The following LRP1B variants were observed in gnomAD, a reference collection of about 807,000 sequenced individuals.
LRP1B encodes the protein LDL receptor related protein 1B.
LRP1B carries 217 observed loss-of-function variants against 556.6 expected under a neutral mutation model. That is an observed-to-expected ratio of 0.39 (90% confidence interval 0.35 to 0.44). LRP1B has a LOEUF of 0.44. Among genes scored for constraint, LRP1B ranks in the 20% least tolerant of loss-of-function variants. The pLI, the probability that LRP1B is intolerant of heterozygous loss-of-function variation, is 1.00. For synonymous variants in LRP1B, 2,047 were observed against 1,865.8 expected, an observed-to-expected ratio of 1.10 and a Z score of -2.50; for missense variants, 5,053 against 5,620.8, an observed-to-expected ratio of 0.90 and a Z score of 3.23.
At chr2:141,560,735 G>A (rs948470291) in intron 2 of LRP1B, among the ~76,000 whole-genome samples, 2 of 151,378 alleles carry the variant, frequency 1.3e-5, no homozygotes, top group Non-Finnish European at 3.0e-5. Context: ...CTTTTTTTTA[G>A]GAGGTTTTAT....
In LRP1B at chr2:140,983,996, G is replaced by A. The variant is rs533467401; in HGVS notation, c.2771-1720C>T. On this transcript the variant is annotated intron_variant, in intron 17 of 90. Coordinates refer to ENST00000389484, the MANE Select transcript of LRP1B (RefSeq NM_018557.3). ...TGGTAAATTATTCTGTCATCTATAC[G>A]AAAATGAATAAAGTTCTTAGATAAT... Among the ~76,000 whole-genome samples, 8 of 151,566 alleles carry A rather than the reference G, an allele frequency of 5.3e-5. No homozygotes were observed. In the South Asian group the frequency reaches 6.3e-4, roughly 12 times the overall value.
At chr2:140,550,728 A>G (rs900560467) in intron 43 of LRP1B, among the ~76,000 whole-genome samples, 6 of 152,174 alleles carry the variant, frequency 3.9e-5, no homozygotes, top group Non-Finnish European at 8.8e-5. Flanking sequence ...GATTAAATAT[A>G]GTATTTCTCG....
At chr2:140,413,295 A>G (rs1395699763) in intron 66 of LRP1B, among the ~76,000 whole-genome samples, 1 of 152,198 alleles carries the variant, frequency 6.6e-6, no homozygotes, top group Non-Finnish European at 1.5e-5. Flanking sequence ...TCAGTCTTCA[A>G]TTTCTTGTAT....
chr2:140,913,596 A>G (rs946663674), intron 21 of LRP1B, among the ~76,000 whole-genome samples: 2 of 152,056 alleles, frequency 1.3e-5, no homozygotes, highest in Non-Finnish European at 2.9e-5. Flanking sequence ...TGAAAGAAAT[A>G]AAAATTTAAT....
At chr2:140,744,528 G>A (rs1380526500) in intron 35 of LRP1B, among the ~76,000 whole-genome samples, 3 of 152,062 alleles carry the variant, frequency 2.0e-5, no homozygotes, top group South Asian at 2.1e-4. Flanking sequence ...CTTGTCAGCC[G>A]GCTCACAGAG....
chr2:140,374,396 G>A (rs1346947510), intron 68 of LRP1B, among the ~76,000 whole-genome samples: 1 of 152,146 alleles, frequency 6.6e-6, no homozygotes, highest in Non-Finnish European at 1.5e-5. Context: ...AGGAAAAAGA[G>A]TTCACTTTCT....
At chr2:140,649,350 T>TAA (rs1684594722) in intron 41 of LRP1B, among the ~76,000 whole-genome samples, 2 of 152,194 alleles carry the variant, frequency 1.3e-5, no homozygotes, top group African/African-American at 4.8e-5. Flanking sequence ...TCTTCATCCC[T>TAA]AGCACTATTA....
chr2:141,831,753 T>G (rs191939022), intron 1 of LRP1B, among the ~76,000 whole-genome samples: 2 of 151,752 alleles, frequency 1.3e-5, no homozygotes, highest in Admixed American at 6.6e-5. Flanking sequence ...TCATATAGTA[T>G]TATATACAAA....
At chr2:140,480,453 T>G (rs895854936) in intron 59 of LRP1B, among the ~76,000 whole-genome samples, 4 of 152,176 alleles carry the variant, frequency 2.6e-5, no homozygotes, top group African/African-American at 9.7e-5. Flanking sequence ...GTGGATTTCC[T>G]AACAGACTTT....
chr2:140,668,892 G>A (rs775953463), intron 41 of LRP1B, among the ~76,000 whole-genome samples: 12 of 152,102 alleles, frequency 7.9e-5, no homozygotes, highest in African/African-American at 2.2e-4. Flanking sequence ...TGTAAAATAC[G>A]GGACTAAAAA....
intron 17 of LRP1B, among the ~76,000 whole-genome samples, chr2:140,985,103 T>C (rs1346463873): frequency 3.3e-5 from 5 of 152,012 alleles, no homozygotes; most frequent in South Asian, 4.1e-4. Flanking sequence ...TTCAAGAGAA[T>C]TGTTTATCTA....
At chr2:141,853,533 G>T (rs984390983) in intron 1 of LRP1B, among the ~76,000 whole-genome samples, 4 of 151,028 alleles carry the variant, frequency 2.6e-5, no homozygotes, top group Non-Finnish European at 4.4e-5. Context: ...ATGTTGTCTC[G>T]GTATTGTTAT....
chr2:141,020,245 G>T (rs1248469240), intron 11 of LRP1B, 143 bp from the exon 12 acceptor site: 2 of 478,970 alleles, frequency 4.2e-6, no homozygotes, highest in Non-Finnish European at 6.9e-6. Flanking sequence ...TGTAATTTTT[G>T]CAAATGTCAC....
intron 31 of LRP1B, among the ~76,000 whole-genome samples, chr2:140,833,959 T>G (rs1269506136): frequency 6.6e-6 from 1 of 152,212 alleles, no homozygotes; most frequent in Non-Finnish European, 1.5e-5. Flanking sequence ...AACATAACAT[T>G]ACTAGCCCAA....
intron 82 of LRP1B, among the ~76,000 whole-genome samples, chr2:140,319,566 A>T (rs1238159615): frequency 1.3e-5 from 2 of 152,148 alleles, no homozygotes; most frequent in African/African-American, 4.8e-5. Flanking sequence ...AGTGGGAGCT[A>T]AATGATGAGA....
At chr2:140,630,558 A>T (rs1057328133) in intron 41 of LRP1B, among the ~76,000 whole-genome samples, 5 of 152,204 alleles carry the variant, frequency 3.3e-5, no homozygotes, top group Non-Finnish European at 4.4e-5. Context: ...GATGGACAGT[A>T]GACTTTAGTA....
At chr2:141,675,182 A>C (rs1291095835) in intron 2 of LRP1B, among the ~76,000 whole-genome samples, 1 of 151,938 alleles carries the variant, frequency 6.6e-6, no homozygotes, top group Non-Finnish European at 1.5e-5. Context: ...CACTGCAAAC[A>C]TTTCTTTCCA....
chr2:140,596,697 C>T (rs1428867665), intron 43 of LRP1B, among the ~76,000 whole-genome samples: 1 of 152,150 alleles, frequency 6.6e-6, no homozygotes, highest in Non-Finnish European at 1.5e-5. Flanking sequence ...TCAAATTTAG[C>T]ATGATGGTTT....
At chr2:141,888,116 G>A (rs998362700) in intron 1 of LRP1B, among the ~76,000 whole-genome samples, 3 of 152,074 alleles carry the variant, frequency 2.0e-5, no homozygotes, top group Non-Finnish European at 4.4e-5. Context: ...ACTCTCATCA[G>A]GAATTATATG....
Sources: gnomAD v4.1 joint callset for allele counts (sites outside exome capture counted in the v4.1 genomes callset) on GRCh38, gnomAD v4.1.1 for gene constraint, MANE v1.5 for transcripts, NCBI Gene and HGNC (gene_info 2026-07-23, HGNC 2026-07-21) for gene names.